ELF1: variants seen among roughly 807,000 people sequenced by gnomAD.
The protein encoded by ELF1 is E74 like ETS transcription factor 1, also known as ETS-related transcription factor Elf-1.
In ELF1, 24 loss-of-function variants were observed where a neutral mutation model predicts 59.9. The observed-to-expected ratio is 0.40, with a 90% confidence interval of 0.29 to 0.56. The LOEUF (loss-of-function observed/expected upper bound fraction) is 0.56. Ranked by LOEUF, ELF1 falls within the 20% of genes least tolerant of loss-of-function variation. The pLI, the probability that ELF1 is intolerant of heterozygous loss-of-function variation, is 0.44. For synonymous variants in ELF1, 248 were observed against 266.2 expected (o/e 0.93, Z 0.67); for missense variants, 627 against 742.2 (o/e 0.84, Z 1.80).
chr13:41,026,457 TCTGCTCTGCAAG>T (rs1222361320), intron 1 of ELF1, among the ~76,000 whole-genome samples: 6 of 152,166 alleles, frequency 3.9e-5, no homozygotes, highest in Admixed American at 2.6e-4. Flanking sequence ...CTGTAACAAA[TCTGCTCTGCAAG>T]CTGCTCTGCC....
At chr13:40,973,951 GA>G (rs1566176899) in intron 2 of ELF1, among the ~76,000 whole-genome samples, 1 of 152,154 alleles carries the variant, frequency 6.6e-6, no homozygotes, top group Non-Finnish European at 1.5e-5. Context: ...TACTATAACT[GA>G]ATTGTCCAGA....
chr13:41,044,308 C>A (rs1876749451), intron 1 of ELF1, among the ~76,000 whole-genome samples: 1 of 152,132 alleles, frequency 6.6e-6, no homozygotes, highest in Non-Finnish European at 1.5e-5. Context: ...TGCCTAATTG[C>A]CCTGGCCAGA....
At chr13:41,009,464 A>AT (rs1593393225) in intron 1 of ELF1, among the ~76,000 whole-genome samples, 1 of 152,092 alleles carries the variant, frequency 6.6e-6, no homozygotes, top group African/African-American at 2.4e-5. Flanking sequence ...CCTGCAGAAG[A>AT]TTTTTTCAGT....
chr13:41,013,694 A>G (rs1422629805), intron 1 of ELF1, among the ~76,000 whole-genome samples: 3 of 152,070 alleles, frequency 2.0e-5, no homozygotes, highest in Non-Finnish European at 4.4e-5. Flanking sequence ...ATATTTACCC[A>G]TGTTGTAACA....
chr13:40,977,579 C>T (rs1872991571), intron 2 of ELF1, among the ~76,000 whole-genome samples: 1 of 152,000 alleles, frequency 6.6e-6, no homozygotes. Flanking sequence ...TAACCTAGAC[C>T]ATAACTGAAA....
intron 1 of ELF1, among the ~76,000 whole-genome samples, chr13:41,010,051 GA>G (rs140514209): frequency 0.2 from 26,634 of 130,942 alleles, 2,551 homozygotes; most frequent in African/African-American, 0.24. Flanking sequence ...ATAGCATATT[GA>G]AAAAAAAAAA....
rs765189689 is a variant in ELF1 at position 40,943,883 on chromosome 13, G to A, written c.572C>T (p.Thr191Met). 5.6e-6 allele frequency: 9 copies of A among 1,613,718 alleles called. No individual in the cohort carries two copies. The highest frequency in any genetic ancestry group is 6.8e-6 in the Non-Finnish European group (8 of 1,179,756). Residue 191 changes from threonine to methionine, a missense_variant, in exon 6 of 9, where the codon ACG becomes ATG. This residue lies in a region of ELF1 where 232 missense variants were observed against 269.2 expected (regional missense o/e 0.86). Coordinates refer to ENST00000239882, the MANE Select transcript of ELF1 (RefSeq NM_172373.4). ...TTTCTTCTTCACAGATATATTTGGCGTAGTGGCTGGGGAATCTGGTCGTGG... is the reference window on the plus strand; with the variant it reads ...TTTCTTCTTCACAGATATATTTGGCATAGTGGCTGGGGAATCTGGTCGTGG... Reference protein sequence around the residue: ...KPPRPDSPATTPNISVKKKNK... With the variant: ...KPPRPDSPATMPNISVKKKNK...
At chr13:41,023,212 T>C (rs910336109), upstream of ELF1, among the ~76,000 whole-genome samples, 1 of 152,234 alleles carries the variant, frequency 6.6e-6, no homozygotes, top group African/African-American at 2.4e-5. Context: ...AAAAAGAATT[T>C]ATTGTGCTAG....
chr13:40,988,285 A>C (rs556336919), intron 1 of ELF1, among the ~76,000 whole-genome samples: 2 of 152,240 alleles, frequency 1.3e-5, no homozygotes, highest in Non-Finnish European at 2.9e-5. Context: ...AAGAAAAAAG[A>C]ATTTAGGCCT....
At chr13:41,061,151 C>A (rs1479620384) in exon 1 of ELF1, 2 of 193,414 alleles carry the variant, frequency 1.0e-5, no homozygotes, top group South Asian at 1.6e-4. Flanking sequence ...CCGGTTGCTC[C>A]GCTGGTCAAA....
At chr13:40,952,395 C>T (rs142216352) in intron 3 of ELF1, among the ~76,000 whole-genome samples, 1,914 of 151,338 alleles carry the variant, frequency 0.013, 45 homozygotes, top group African/African-American at 0.045. Flanking sequence ...AAGGTCTTAC[C>T]CTGTCTCCCA....
intron 1 of ELF1, among the ~76,000 whole-genome samples, chr13:40,997,236 TTTC>T: frequency 6.6e-6 from 1 of 152,124 alleles, no homozygotes; most frequent in East Asian, 1.9e-4. Context: ...GTCTACCTCT[TTTC>T]TTCTTCATTT....
At chr13:41,017,004 A>G (rs1391614157) in intron 1 of ELF1, among the ~76,000 whole-genome samples, 1 of 139,590 alleles carries the variant, frequency 7.2e-6, no homozygotes, top group Non-Finnish European at 1.5e-5. Flanking sequence ...AAGCAGAAAT[A>G]AAACTGTCTT....
At chr13:40,935,622 T>C (rs1020334085) in intron 8 of ELF1, among the ~76,000 whole-genome samples, 5 of 151,652 alleles carry the variant, frequency 3.3e-5, no homozygotes, top group Admixed American at 2.0e-4. Context: ...TTCAGGGAAA[T>C]CTGGGGTGAG....
At chr13:40,954,320 C>T (rs1871056506) in intron 3 of ELF1, among the ~76,000 whole-genome samples, 1 of 152,136 alleles carries the variant, frequency 6.6e-6, no homozygotes, top group Admixed American at 6.5e-5. Flanking sequence ...GGAGGAGGGG[C>T]CTGGTGGGAG....
intron 1 of ELF1, among the ~76,000 whole-genome samples, chr13:41,015,732 G>A (rs1468960678): frequency 6.6e-6 from 1 of 152,102 alleles, no homozygotes; most frequent in Non-Finnish European, 1.5e-5. Flanking sequence ...CCTACAACAT[G>A]CAGACACCAG....
chr13:41,042,027 T>A (rs540092738), intron 1 of ELF1, among the ~76,000 whole-genome samples: 1 of 152,262 alleles, frequency 6.6e-6, no homozygotes, highest in South Asian at 2.1e-4. Context: ...TATTTACTTA[T>A]GTATTTATAT....
Position 40,933,339 on chromosome 13 carries a change from T to C in ELF1, c.*86A>G. The C allele has an allele frequency of 1.3e-6, 2 of 1,489,954 alleles. No individual in the cohort carries two copies. Among genetic ancestry groups the C allele is most frequent in the Non-Finnish European group, 1.8e-6 (2 of 1,113,932 alleles). The allele number at this position is 1,489,954 out of a possible 1,614,324, so 92.3% of individuals were successfully genotyped here. A position where few individuals can be genotyped will look rare whatever the true frequency, so the allele number is the denominator to read the frequency against. On this transcript the variant is annotated 3_prime_UTR_variant, in exon 9 of 9. Coordinates refer to ENST00000239882, the MANE Select transcript of ELF1 (RefSeq NM_172373.4). ...ACAATTACAAAATTAGAAACCTCCTTAGAATTTATCTTAGAATCAGTCAGT... is the reference window on the plus strand; with the variant it reads ...ACAATTACAAAATTAGAAACCTCCTCAGAATTTATCTTAGAATCAGTCAGT...
upstream of ELF1, chr13:41,019,503 T>C (rs1350905371): frequency 5.9e-6 from 3 of 504,704 alleles, no homozygotes. Flanking sequence ...GATTAGACCA[T>C]TACTAAGCTC....
Sources: allele counts gnomAD v4.1 joint callset (sites outside exome capture counted in the v4.1 genomes callset), GRCh38; gene constraint gnomAD v4.1.1; regional missense constraint gnomAD v4.1.1; transcripts MANE v1.5; gene names NCBI Gene and HGNC (gene_info 2026-07-23, HGNC 2026-07-21).